The following ENTREP2 variants were observed in gnomAD, a reference collection of about 807,000 sequenced individuals.
The protein encoded by ENTREP2 is protein ENTREP2.
chr15:29,229,208 G>GAT, the ENTREP2 span, among the ~76,000 whole-genome samples: 2 of 141,938 alleles, frequency 1.4e-5, no homozygotes, highest in South Asian at 4.8e-4. Flanking sequence ...AATCATTAGA[G>GAT]ATATATTCAG....
the ENTREP2 span, among the ~76,000 whole-genome samples, chr15:29,118,966 G>GA: frequency 2.0e-5 from 3 of 152,168 alleles, no homozygotes; most frequent in Non-Finnish European, 2.9e-5. Context: ...ACAGCAGCGT[G>GA]AGCTCCTTGC....
At chr15:29,342,626 C>T in the ENTREP2 span, among the ~76,000 whole-genome samples, 1 of 152,130 alleles carries the variant, frequency 6.6e-6, no homozygotes, top group Non-Finnish European at 1.5e-5. Flanking sequence ...GTCTGTTTCA[C>T]CCCAGCCTCA....
chr15:29,239,123 T>C, the ENTREP2 span, among the ~76,000 whole-genome samples: 1 of 152,170 alleles, frequency 6.6e-6, no homozygotes, highest in Non-Finnish European at 1.5e-5. Context: ...GAGATGTTTA[T>C]GCCACATGAA....
chr15:29,119,575 T>G, the ENTREP2 span, among the ~76,000 whole-genome samples: 2 of 24,150 alleles, frequency 8.3e-5, no homozygotes, highest in Admixed American at 1.5e-3. Context: ...AATGTGCACA[T>G]GTACCCTAAA....
chr15:29,352,144 G>C, the ENTREP2 span, among the ~76,000 whole-genome samples: 1 of 151,618 alleles, frequency 6.6e-6, no homozygotes, highest in African/African-American at 2.4e-5. Context: ...TATGTTGCTC[G>C]GGCTGGACTC....
the ENTREP2 span, among the ~76,000 whole-genome samples, chr15:29,469,581 GA>G: frequency 6.6e-6 from 1 of 152,100 alleles, no homozygotes; most frequent in Non-Finnish European, 1.5e-5. Context: ...CGGGGGAGGG[GA>G]AATAGGGAGT....
the ENTREP2 span, among the ~76,000 whole-genome samples, chr15:29,346,089 C>T: frequency 6.6e-6 from 1 of 152,190 alleles, no homozygotes; most frequent in Non-Finnish European, 1.5e-5. Context: ...GAACGAGCTC[C>T]AGAGCCCATG....
At chr15:29,386,908 T>C in the ENTREP2 span, among the ~76,000 whole-genome samples, 9 of 152,336 alleles carry the variant, frequency 5.9e-5, no homozygotes, top group South Asian at 1.0e-3. Flanking sequence ...GCTGAGACCA[T>C]GGGGTTTTCT....
At chr15:29,138,205 T>G in the ENTREP2 span, among the ~76,000 whole-genome samples, 9 of 152,188 alleles carry the variant, frequency 5.9e-5, no homozygotes, top group Admixed American at 5.2e-4. Flanking sequence ...TCCAGAACAT[T>G]CTACTGGCCA....
chr15:29,375,610 G>A, the ENTREP2 span: 5 of 152,186 alleles, frequency 3.3e-5, no homozygotes, highest in African/African-American at 1.2e-4. Flanking sequence ...TTTCTCTACA[G>A]TTATGAGAAA....
the ENTREP2 span, among the ~76,000 whole-genome samples, chr15:29,352,117 T>A: frequency 6.6e-6 from 1 of 152,138 alleles, no homozygotes; most frequent in Non-Finnish European, 1.5e-5. Context: ...AAATTTTTTG[T>A]AGTGATGTGG....
At chr15:29,558,012 T>A in the ENTREP2 span, among the ~76,000 whole-genome samples, 1 of 152,158 alleles carries the variant, frequency 6.6e-6, no homozygotes, top group African/African-American at 2.4e-5. Flanking sequence ...AATCCCCCTT[T>A]TCACAAATGA....
the ENTREP2 span, among the ~76,000 whole-genome samples, chr15:29,327,868 C>T: frequency 6.6e-6 from 1 of 152,130 alleles, no homozygotes; most frequent in African/African-American, 2.4e-5. Context: ...TGTAAAACAG[C>T]CACTTAGGAA....
the ENTREP2 span, among the ~76,000 whole-genome samples, chr15:29,514,810 A>C: frequency 6.6e-6 from 1 of 152,186 alleles, no homozygotes; most frequent in Non-Finnish European, 1.5e-5. Flanking sequence ...AGTGCAATAA[A>C]AGAGTGAGGA....
chr15:29,136,232 C>G, the ENTREP2 span: 1 of 949,212 alleles, frequency 1.1e-6, no homozygotes, highest in South Asian at 2.1e-5. Context: ...GGCCTCGGCA[C>G]AGGGCGCTCA....
chr15:29,382,978 C>A, the ENTREP2 span, among the ~76,000 whole-genome samples: 1 of 152,298 alleles, frequency 6.6e-6, no homozygotes, highest in South Asian at 2.1e-4. Flanking sequence ...CCCATCTGGG[C>A]TCCTGTGGCT....
At chr15:29,405,421 C>A in the ENTREP2 span, among the ~76,000 whole-genome samples, 1 of 151,890 alleles carries the variant, frequency 6.6e-6, no homozygotes, top group Non-Finnish European at 1.5e-5. Flanking sequence ...GACCATGTCA[C>A]TCGCCCCACT....
chr15:29,558,499 T>A, the ENTREP2 span, among the ~76,000 whole-genome samples: 1 of 151,218 alleles, frequency 6.6e-6, no homozygotes, highest in African/African-American at 2.4e-5. Flanking sequence ...CGGTCACCCA[T>A]CTTCTGCACA....
the ENTREP2 span, among the ~76,000 whole-genome samples, chr15:29,319,288 C>T: frequency 6.6e-6 from 1 of 152,214 alleles, no homozygotes; most frequent in East Asian, 1.9e-4. Context: ...AAGTGCAAGC[C>T]AGACCCCTGC....
Sources: gnomAD v4.1 joint callset for allele counts (sites outside exome capture counted in the v4.1 genomes callset) on GRCh38, gnomAD v4.1.1 for gene constraint, MANE v1.5 for transcripts, NCBI Gene and HGNC (gene_info 2026-07-23, HGNC 2026-07-21) for gene names.